PHACTR2: variants seen among roughly 807,000 people sequenced by gnomAD.
PHACTR2 encodes chromosome 6 open reading frame 56.
PHACTR2 carries 30 observed loss-of-function variants against 76.0 expected under a neutral mutation model. That is an observed-to-expected ratio of 0.39 (90% CI 0.30 to 0.54). The LOEUF is 0.54. Among genes scored for constraint, PHACTR2 ranks in the 20% least tolerant of loss-of-function variants. The pLI is 0.61. For synonymous variants in PHACTR2, 292 were observed against 292.5 expected (o/e 1.00, Z 0.02); for missense variants, 696 against 781.1 (o/e 0.89, Z 1.30).
chr6:143,810,496 C>A, intron 12 of PHACTR2: 2 of 437,168 alleles, frequency 4.6e-6, no homozygotes, highest in Non-Finnish European at 9.2e-6. Flanking sequence ...ACAATAATAC[C>A]CCATTTCATT....
rs912304163 is a variant in PHACTR2, at chr6:143,697,866, T to C, written c.47-14150T>C. ...TATAGGGGCACCACCAGGAATAAAA[T>C]CAACTTGCTCCCTGTCCTCATGGGA... On this transcript the variant is annotated intron_variant, in intron 1 of 12. Coordinates refer to ENST00000440869, the MANE Select transcript of PHACTR2 (RefSeq NM_001100164.2). The surrounding 1 kb of genome is among the most constrained non-coding windows in gnomAD (Gnocchi z 4.4). Among the ~76,000 whole-genome samples the C allele has an allele frequency of 1.3e-5, 2 of 152,196 alleles. No homozygotes were observed. Among genetic ancestry groups the C allele is most frequent in the African/African-American group, 2.4e-5 (1 of 41,446 alleles).
intron 1 of PHACTR2, among the ~76,000 whole-genome samples, chr6:143,638,187 T>C (rs1383729431): frequency 2.6e-5 from 4 of 152,196 alleles, no homozygotes. Flanking sequence ...ACTTAAGTTA[T>C]AGTATTGCTG....
intron 2 of PHACTR2, among the ~76,000 whole-genome samples, chr6:143,748,287 C>T (rs1048240881): frequency 6.6e-6 from 1 of 152,198 alleles, no homozygotes. Context: ...TGGTCTCAAA[C>T]TCCTGACCTC....
Position 143,777,492 on chromosome 6 carries a change from T to C in PHACTR2, c.1645+109T>C, listed in dbSNP as rs987707608. 8.2e-6 allele frequency: 4 copies of C among 487,948 alleles called. No homozygotes were observed. Among genetic ancestry groups the C allele is most frequent in the Non-Finnish European group, 1.4e-5 (4 of 277,386 alleles). The allele number at this position is 487,948 out of a possible 1,614,324, so 30.2% of individuals were successfully genotyped here. On this transcript the variant is annotated intron_variant, in intron 9 of 12. Transcript: ENST00000440869. This position sits in a 1 kb window ranked among gnomAD's most constrained non-coding sequence, Gnocchi z 4.6. ...CCATCATATATTCATTTACTCAAGA[T>C]GGACTGAAATAGTCCATTTATGTCA... is the stretch of plus-strand genomic sequence containing the variant.
chr6:143,643,506 C>T (rs529747315), intron 1 of PHACTR2, among the ~76,000 whole-genome samples: 8 of 152,194 alleles, frequency 5.3e-5, no homozygotes, highest in African/African-American at 1.9e-4. Context: ...AATGTTTTAA[C>T]CATCAGTTGT....
chr6:143,793,669 G>A lies in PHACTR2; in HGVS notation c.1845+4759G>A, dbSNP rs1048315901. The stretch of plus-strand genomic sequence containing the variant: ...TGCCTGTAATCCTAGCACTTTGGGA[G>A]GCCAAGGTTTCTTGAGCTCAAGATT... On this transcript the variant is annotated intron_variant, in intron 11 of 12. Transcript: ENST00000440869. The surrounding 1 kb of genome is among the most constrained non-coding windows in gnomAD (Gnocchi z 4.4). Among the ~76,000 whole-genome samples the A allele has an allele frequency of 1.3e-5, 2 of 152,092 alleles. No homozygotes were observed. Among genetic ancestry groups the A allele is most frequent in the African/African-American group, 4.8e-5 (2 of 41,404 alleles).
At chr6:143,690,213 T>C (rs939974577) in intron 1 of PHACTR2, among the ~76,000 whole-genome samples, 6 of 152,240 alleles carry the variant, frequency 3.9e-5, no homozygotes, top group African/African-American at 1.4e-4. Context: ...TCTCAATATG[T>C]TCAAATACTC....
chr6:143,722,359 A>G lies in PHACTR2; in HGVS notation c.214+10176A>G, dbSNP rs573095728. 1.2e-4 allele frequency among the ~76,000 whole-genome samples: 19 copies of G among 152,042 alleles called. No homozygotes were observed. The highest frequency in any genetic ancestry group is 2.5e-4 in the Non-Finnish European group (17 of 67,998). ...TATTCTGGCCACTGTCCTCCATGAT[A>G]TCTGGTTTTATACCATTTTGTGGGT... On this transcript the variant is annotated intron_variant, in intron 2 of 12. Coordinates refer to ENST00000440869, the MANE Select transcript of PHACTR2 (RefSeq NM_001100164.2). This position sits in a 1 kb window ranked among gnomAD's most constrained non-coding sequence, Gnocchi z 4.1.
At chr6:143,799,672 C>T (rs1298267347) in intron 11 of PHACTR2, among the ~76,000 whole-genome samples, 1 of 152,220 alleles carries the variant, frequency 6.6e-6, no homozygotes, top group Non-Finnish European at 1.5e-5. Context: ...GCAGGTTGTT[C>T]AGTTTCCACG....
rs1011012433 is a variant in PHACTR2 at position 143,761,949 on chromosome 6, C to T, written c.694+1309C>T. 1.3e-5 allele frequency among the ~76,000 whole-genome samples: 2 copies of T among 152,052 alleles called. No individual in the cohort carries two copies. The highest frequency in any genetic ancestry group is 2.4e-5 in the African/African-American group (1 of 41,398). On this transcript the variant is annotated intron_variant, in intron 5 of 12. Coordinates refer to ENST00000440869, the MANE Select transcript of PHACTR2 (RefSeq NM_001100164.2). The surrounding 1 kb of genome is among the most constrained non-coding windows in gnomAD (Gnocchi z 5.2). ...CCCTCTCCCTGTGCTCCTCATGTCC[C>T]GCCTTTGACCTTTAGTGTCTGGGTC...
rs1352792786 is a variant in PHACTR2 at position 143,592,522 on chromosome 6, C to A, written c.217+55315C>A. Among the ~76,000 whole-genome samples, 1 of 152,144 alleles carries A rather than the reference C, an allele frequency of 6.6e-6. No individual in the cohort carries two copies. Among genetic ancestry groups the A allele is most frequent in the Non-Finnish European group, 1.5e-5 (1 of 68,026 alleles). On this transcript the variant is annotated intron_variant, in intron 1 of 11. Coordinates refer to the PHACTR2 transcript ENST00000367584. The surrounding 1 kb of genome is among the most constrained non-coding windows in gnomAD (Gnocchi z 4.0). ...GTACTCCAGGGGGCGCTATTCACAT[C>A]GACTAATACTCTATAGGGGCCATTC...
In PHACTR2 at chr6:143,709,665, A is replaced by G. The variant is rs1778128122; in HGVS notation, c.47-2351A>G. Among the ~76,000 whole-genome samples the G allele has an allele frequency of 6.6e-6, 1 of 152,066 alleles. No individual in the cohort carries two copies. The highest frequency in any genetic ancestry group is 2.4e-5 in the African/African-American group (1 of 41,396). ...CCTGTCCTCTGTTGACATGCTGTGT[A>G]TGTGTGTGGGGTGTCCTTGTTACTG... On this transcript the variant is annotated intron_variant, in intron 1 of 12. Transcript: ENST00000440869. The surrounding 1 kb of genome is among the most constrained non-coding windows in gnomAD (Gnocchi z 4.4).
intron 1 of PHACTR2, among the ~76,000 whole-genome samples, chr6:143,703,879 C>T (rs1038621847): frequency 1.3e-5 from 2 of 151,908 alleles, no homozygotes; most frequent in Non-Finnish European, 2.9e-5. Flanking sequence ...ATATTTAGAT[C>T]GTTTCTTTAA....
intron 11 of PHACTR2, among the ~76,000 whole-genome samples, chr6:143,797,082 A>G (rs1775844346): frequency 6.6e-6 from 1 of 152,088 alleles, no homozygotes; most frequent in Non-Finnish European, 1.5e-5. Flanking sequence ...TTGTTTCCTG[A>G]CTTTTGAATG....
At chr6:143,707,027 T>C (rs1400532584) in intron 1 of PHACTR2, among the ~76,000 whole-genome samples, 2 of 152,216 alleles carry the variant, frequency 1.3e-5, no homozygotes, top group Non-Finnish European at 2.9e-5. Context: ...AAGTTAAATC[T>C]TCCCTAAGCA....
At position 143,547,377 on chromosome 6, in the gene PHACTR2, A is replaced by G. The variant is rs1224787508; in HGVS notation, c.217+10170A>G. Among the ~76,000 whole-genome samples the G allele has an allele frequency of 2.6e-5, 4 of 152,244 alleles. No homozygotes were observed. Among genetic ancestry groups the G allele is most frequent in the African/African-American group, 9.6e-5 (4 of 41,464 alleles). On this transcript the variant is annotated intron_variant, in intron 1 of 11. Transcript: ENST00000367584. The surrounding 1 kb of genome is among the most constrained non-coding windows in gnomAD (Gnocchi z 4.2). ...AGGAATACATTTATTGTCTCCCAGC[A>G]TGATTATTTTGGTGGGAATAACAAT...
At chr6:143,634,576 C>G (rs1776419577) in intron 1 of PHACTR2, among the ~76,000 whole-genome samples, 1 of 152,152 alleles carries the variant, frequency 6.6e-6, no homozygotes, top group Non-Finnish European at 1.5e-5. Context: ...GTGTTTACAA[C>G]AAAGGAGTCT....
In PHACTR2 at chr6:143,571,135, G is replaced by T. The variant is rs1186889439; in HGVS notation, c.217+33928G>T. 1.3e-5 allele frequency among the ~76,000 whole-genome samples: 2 copies of T among 152,292 alleles called. No individual in the cohort carries two copies. The highest frequency in any genetic ancestry group is 4.8e-5 in the African/African-American group (2 of 41,562). ...GATGGAAATCAAGAAGGGAATGTAG[G>T]TAAAGAGCAGTACAGTACAGTACTT... On this transcript the variant is annotated intron_variant, in intron 1 of 11. Transcript: ENST00000367584. This position sits in a 1 kb window ranked among gnomAD's most constrained non-coding sequence, Gnocchi z 4.6.
Position 143,777,279 on chromosome 6 carries a change from C to A in PHACTR2, c.1590-49C>A. On this transcript the variant is annotated intron_variant, in intron 8 of 12. Coordinates refer to ENST00000440869, the MANE Select transcript of PHACTR2 (RefSeq NM_001100164.2). The surrounding 1 kb of genome is among the most constrained non-coding windows in gnomAD (Gnocchi z 4.6). Reference sequence around the variant, plus strand: ...TTGTTGTTTTATTCTGAGTCTCCTACTAGGGTACCTTGTTTTTAACCTGTA... The same window carrying A: ...TTGTTGTTTTATTCTGAGTCTCCTAATAGGGTACCTTGTTTTTAACCTGTA... The A allele has an allele frequency of 1.0e-6, 1 of 971,144 alleles. No individual in the cohort carries two copies. The highest frequency in any genetic ancestry group is 1.6e-6 in the Non-Finnish European group (1 of 616,922). The allele number at this position is 971,144 out of a possible 1,614,324, so 60.2% of individuals were successfully genotyped here. A position where few individuals can be genotyped will look rare whatever the true frequency, so the allele number is the denominator to read the frequency against.
Sources: allele counts gnomAD v4.1 joint callset (sites outside exome capture counted in the v4.1 genomes callset), GRCh38; gene constraint gnomAD v4.1.1; non-coding constraint Gnocchi (gnomAD v3.1); transcripts MANE v1.5; gene names NCBI Gene and HGNC (gene_info 2026-07-23, HGNC 2026-07-21).